The following NRXN3 variants were observed in gnomAD, a reference collection of about 807,000 sequenced individuals.
NRXN3 encodes the protein neurexin 3, also known as neurexin III.
A neutral mutation model predicts 137.6 loss-of-function variants in NRXN3; 32 were observed. That is an observed-to-expected ratio of 0.23 (90% CI 0.18 to 0.31). The LOEUF (loss-of-function observed/expected upper bound fraction) is 0.31, where lower values mean the gene tolerates loss of function less well. NRXN3 is among the 10% of genes least tolerant of loss of function. The pLI is 1.00. For missense variants in NRXN3, 1,574 were observed against 2,062.5 expected, an observed-to-expected ratio of 0.76 and a Z score of 4.59; for synonymous variants, 798 against 784.5, an observed-to-expected ratio of 1.02 and a Z score of -0.29.
At chr14:79,247,651 G>A (rs1179670799) in intron 15 of NRXN3, among the ~76,000 whole-genome samples, 1 of 152,022 alleles carries the variant, frequency 6.6e-6, no homozygotes, top group South Asian at 2.1e-4. Context: ...CAAAAGCTAG[G>A]TAGTTGTCTT....
chr14:78,769,419 G>A (rs552474444), intron 8 of NRXN3, among the ~76,000 whole-genome samples: 1 of 152,224 alleles, frequency 6.6e-6, no homozygotes, highest in South Asian at 2.1e-4. Flanking sequence ...CTGGGGGCTA[G>A]GACTTACACA....
chr14:79,108,449 A>T (rs1200106292), intron 15 of NRXN3, among the ~76,000 whole-genome samples: 1 of 152,182 alleles, frequency 6.6e-6, no homozygotes, highest in Non-Finnish European at 1.5e-5. Flanking sequence ...AATATAGTAA[A>T]GCACTCAATG....
chr14:79,460,178 G>A (rs2096312481), intron 15 of NRXN3, among the ~76,000 whole-genome samples: 1 of 152,050 alleles, frequency 6.6e-6, no homozygotes. Context: ...AGGTAACACA[G>A]CAATGGAACA....
At chr14:79,102,077 C>T (rs2051418975) in intron 15 of NRXN3, among the ~76,000 whole-genome samples, 1 of 152,108 alleles carries the variant, frequency 6.6e-6, no homozygotes, top group Non-Finnish European at 1.5e-5. Flanking sequence ...GAGAGCATTG[C>T]TCTGCTCATG....
At chr14:78,752,406 TTCTG>T (rs1233384986) in intron 8 of NRXN3, among the ~76,000 whole-genome samples, 1 of 152,158 alleles carries the variant, frequency 6.6e-6, no homozygotes, top group Non-Finnish European at 1.5e-5. Flanking sequence ...CAGAGTGAGA[TTCTG>T]TCTTTTAAAA....
chr14:78,718,798 T>C (rs893881041), intron 8 of NRXN3, among the ~76,000 whole-genome samples: 6 of 152,248 alleles, frequency 3.9e-5, no homozygotes, highest in Admixed American at 1.3e-4. Flanking sequence ...TTGTTGGCTA[T>C]TCATAGTGAT....
chr14:78,689,875 T>G (rs1202754737), intron 6 of NRXN3, among the ~76,000 whole-genome samples: 1 of 151,692 alleles, frequency 6.6e-6, no homozygotes, highest in Non-Finnish European at 1.5e-5. Context: ...CTTCCTCCTC[T>G]TTCTCTCTGC....
chr14:78,395,642 AT>A lies in NRXN3; in HGVS notation c.757+97787del, dbSNP rs142254909. ...CTAAAACTCTAATTGGATTTATCTC[AT>A]TTTTCCGTTTTCAGTTTTTGCTTCA... On this transcript the variant is annotated intron_variant, in intron 4 of 20. Transcript: ENST00000335750. Among the ~76,000 whole-genome samples, 358 of 151,152 alleles carry A rather than the reference AT, an allele frequency of 2.4e-3. 9 individuals are homozygous for A. In the East Asian group the frequency reaches 0.064, roughly 27 times the overall value.
chr14:79,379,878 CTTG>C (rs2094415296), intron 15 of NRXN3, among the ~76,000 whole-genome samples: 10 of 151,222 alleles, frequency 6.6e-5, no homozygotes, highest in African/African-American at 2.2e-4. Context: ...TTTTGCATAC[CTTG>C]TTGTTATTCC....
chr14:78,902,382 C>A (rs2099199483), intron 10 of NRXN3, among the ~76,000 whole-genome samples: 1 of 151,996 alleles, frequency 6.6e-6, no homozygotes, highest in Admixed American at 6.6e-5. Flanking sequence ...TGTTTGATTT[C>A]AAATTATCTG....
chr14:79,184,409 T>C (rs1462425423), intron 15 of NRXN3, among the ~76,000 whole-genome samples: 1 of 152,262 alleles, frequency 6.6e-6, no homozygotes, highest in East Asian at 1.9e-4. Context: ...GTTTCCATCA[T>C]CCTTCTGAAG....
chr14:78,389,133 G>A (rs961950799), intron 4 of NRXN3, among the ~76,000 whole-genome samples: 3 of 150,732 alleles, frequency 2.0e-5, no homozygotes, highest in Non-Finnish European at 4.4e-5. Context: ...TCGGCTCACT[G>A]CAAACTTTGC....
At chr14:79,238,673 G>T (rs1462159467) in intron 15 of NRXN3, among the ~76,000 whole-genome samples, 1 of 151,984 alleles carries the variant, frequency 6.6e-6, no homozygotes, top group Admixed American at 6.6e-5. Context: ...CTAGAATTAG[G>T]TCAAGAATCT....
At chr14:78,334,069 C>T (rs1366554351) in intron 4 of NRXN3, among the ~76,000 whole-genome samples, 1 of 152,048 alleles carries the variant, frequency 6.6e-6, no homozygotes, top group East Asian at 1.9e-4. Flanking sequence ...TCCTAAGCAG[C>T]AGGAAGGAAG....
At chr14:79,018,238 T>G in intron 15 of NRXN3, among the ~76,000 whole-genome samples, 1 of 117,574 alleles carries the variant, frequency 8.5e-6, no homozygotes, top group Non-Finnish European at 1.6e-5. Context: ...CCAGCCTGGG[T>G]GACAAGAGCA....
At chr14:78,275,826 C>T (rs1302409887) in intron 2 of NRXN3, among the ~76,000 whole-genome samples, 1 of 152,142 alleles carries the variant, frequency 6.6e-6, no homozygotes, top group East Asian at 1.9e-4. Flanking sequence ...CTGAGGACTG[C>T]TACAAGAAGA....
intron 19 of NRXN3, among the ~76,000 whole-genome samples, chr14:79,713,424 A>G (rs1424173028): frequency 6.8e-5 from 10 of 147,774 alleles, no homozygotes; most frequent in African/African-American, 2.5e-4. Context: ...ATAATTAATT[A>G]GCATAAAGTT....
At chr14:78,634,869 G>A (rs1161067051) in intron 4 of NRXN3, among the ~76,000 whole-genome samples, 2 of 151,904 alleles carry the variant, frequency 1.3e-5, no homozygotes, top group African/African-American at 4.8e-5. Flanking sequence ...AATTAGTGGG[G>A]GTCAATTTTA....
At chr14:79,086,380 A>G (rs2048106741) in intron 15 of NRXN3, among the ~76,000 whole-genome samples, 1 of 152,066 alleles carries the variant, frequency 6.6e-6, no homozygotes, top group Admixed American at 6.6e-5. Flanking sequence ...TTAACTTGGG[A>G]TCTTAAGCTT....
Sources: allele counts gnomAD v4.1 joint callset (sites outside exome capture counted in the v4.1 genomes callset), GRCh38; gene constraint gnomAD v4.1.1; transcripts MANE v1.5; gene names NCBI Gene and HGNC (gene_info 2026-07-23, HGNC 2026-07-21).